The following BMPR1B variants were observed in gnomAD, a reference collection of about 807,000 sequenced individuals.
BMPR1B encodes bone morphogenetic protein receptor type-1B.
Under a neutral mutation model 59.1 loss-of-function variants are expected in BMPR1B, and 12 were observed. The observed-to-expected ratio is 0.20, with a 90% CI of 0.13 to 0.33. BMPR1B has a LOEUF of 0.33. BMPR1B is among the 10% of genes least tolerant of loss of function. The pLI, the probability that BMPR1B is intolerant of heterozygous loss-of-function variation, is 1.00. For missense variants in BMPR1B, 550 were observed against 610.9 expected, an observed-to-expected ratio of 0.90 and a Z score of 1.05; for synonymous variants, 237 against 207.3, an observed-to-expected ratio of 1.14 and a Z score of -1.23.
intron 4 of BMPR1B, among the ~76,000 whole-genome samples, chr4:95,109,834 G>A (rs185014085): frequency 0.018 from 2,779 of 150,372 alleles, 48 homozygotes; most frequent in Middle Eastern, 0.024. Flanking sequence ...AGCATTAGGT[G>A]TATCTCCTAA....
chr4:94,951,940 T>A (rs1729955330), intron 2 of BMPR1B, among the ~76,000 whole-genome samples: 1 of 152,268 alleles, frequency 6.6e-6, no homozygotes, highest in African/African-American at 2.4e-5. Flanking sequence ...TCAGAACTTG[T>A]TATTGGTCTA....
At chr4:94,926,679 G>T (rs1728901081) in intron 2 of BMPR1B, among the ~76,000 whole-genome samples, 1 of 151,918 alleles carries the variant, frequency 6.6e-6, no homozygotes, top group Non-Finnish European at 1.5e-5. Flanking sequence ...CTATTTTCTT[G>T]AATCTTACAG....
chr4:94,770,398 A>C (rs1274963607), intron 1 of BMPR1B, among the ~76,000 whole-genome samples: 1 of 151,964 alleles, frequency 6.6e-6, no homozygotes, highest in African/African-American at 2.4e-5. Context: ...TTAATGCATT[A>C]TCCCAGAGGT....
chr4:94,793,778 G>A (rs1484478754), intron 1 of BMPR1B, among the ~76,000 whole-genome samples: 4 of 148,764 alleles, frequency 2.7e-5, no homozygotes, highest in Non-Finnish European at 6.0e-5. Context: ...GTGATGGTGA[G>A]CATTTTTTCA....
chr4:95,056,491 TAAAG>T (rs1206850344), intron 3 of BMPR1B, among the ~76,000 whole-genome samples: 4 of 152,138 alleles, frequency 2.6e-5, no homozygotes, highest in Non-Finnish European at 5.9e-5. Context: ...AATGGAGACA[TAAAG>T]AAAAACTAAA....
chr4:94,900,079 C>T (rs542830374), intron 2 of BMPR1B, among the ~76,000 whole-genome samples: 27 of 151,700 alleles, frequency 1.8e-4, no homozygotes, highest in Admixed American at 9.2e-4. Context: ...TTCTAATCCT[C>T]AGAATCTTTG....
Position 95,036,131 on chromosome 4 carries a change from T to C in BMPR1B, c.-18+39997T>C, listed in dbSNP as rs570171283. Among the ~76,000 whole-genome samples, 28 of 152,144 alleles carry C rather than the reference T, an allele frequency of 1.8e-4. 1 individual carries two copies. Among genetic ancestry groups the C allele is most frequent in the Non-Finnish European group, 4.4e-5 (3 of 68,006 alleles). ...TGCTACTAATTTGTGTTCATTGATT[T>C]TGGGGATATATGAGATATTTTGATA... is the stretch of plus-strand genomic sequence containing the variant. On this transcript the variant is annotated intron_variant, in intron 3 of 12. Coordinates refer to ENST00000515059, the MANE Select transcript of BMPR1B (RefSeq NM_001203.3).
chr4:95,115,215 G>A (rs1731928752), intron 5 of BMPR1B, among the ~76,000 whole-genome samples: 1 of 152,090 alleles, frequency 6.6e-6, no homozygotes, highest in African/African-American at 2.4e-5. Context: ...CACAATGACA[G>A]AATCACCTCA....
intron 2 of BMPR1B, among the ~76,000 whole-genome samples, chr4:94,898,456 C>T (rs1318708204): frequency 1.3e-5 from 2 of 152,012 alleles, no homozygotes; most frequent in Admixed American, 6.6e-5. Context: ...TTCCCCCATG[C>T]TGTTCTTGGG....
At chr4:95,026,977 G>A (rs1560603583) in intron 3 of BMPR1B, among the ~76,000 whole-genome samples, 1 of 151,760 alleles carries the variant, frequency 6.6e-6, no homozygotes, top group Admixed American at 6.6e-5. Context: ...GTTGCCCTAG[G>A]TGGTCCCAAA....
In BMPR1B at chr4:95,034,298, A is replaced by G. The variant is rs188183641; in HGVS notation, c.-18+38164A>G. ...TACATGAGATATTTATTATTATTTCAGTAGTTTTAGGGGAACAGGTGGTTT... is the reference window on the plus strand; with the variant it reads ...TACATGAGATATTTATTATTATTTCGGTAGTTTTAGGGGAACAGGTGGTTT... On this transcript the variant is annotated intron_variant, in intron 3 of 12. Transcript: ENST00000515059. Among the ~76,000 whole-genome samples the G allele has an allele frequency of 1.9e-3, 283 of 152,148 alleles. 4 individuals carry two copies. Among genetic ancestry groups the G allele is most frequent in the Middle Eastern group, 0.017 (5 of 294 alleles).
intron 4 of BMPR1B, among the ~76,000 whole-genome samples, chr4:95,113,164 C>T (rs1294749874): frequency 6.6e-6 from 1 of 152,130 alleles, no homozygotes; most frequent in African/African-American, 2.4e-5. Context: ...ACATGTTTTA[C>T]ATTTTTATAG....
At chr4:95,021,322 G>A (rs544132760) in intron 3 of BMPR1B, among the ~76,000 whole-genome samples, 3 of 152,280 alleles carry the variant, frequency 2.0e-5, no homozygotes, top group Non-Finnish European at 2.9e-5. Context: ...GCATACTTTT[G>A]TGTTTATGAA....
intron 1 of BMPR1B, among the ~76,000 whole-genome samples, chr4:94,787,210 T>G (rs1722795391): frequency 6.6e-6 from 1 of 152,110 alleles, no homozygotes; most frequent in African/African-American, 2.4e-5. Context: ...TGACATATAC[T>G]CCACGTAGAG....
chr4:95,052,020 A>G (rs1010985821), intron 3 of BMPR1B, among the ~76,000 whole-genome samples: 3 of 152,258 alleles, frequency 2.0e-5, no homozygotes, highest in Non-Finnish European at 2.9e-5. Context: ...AGAATTAAAT[A>G]CAATTAAACT....
intron 3 of BMPR1B, among the ~76,000 whole-genome samples, chr4:95,103,149 A>G (rs1730947983): frequency 6.6e-6 from 1 of 152,078 alleles, no homozygotes; most frequent in South Asian, 2.1e-4. Context: ...AACATATTTT[A>G]TTGCTTTTTC....
chr4:94,895,775 C>G (rs1727562084), intron 2 of BMPR1B, among the ~76,000 whole-genome samples: 1 of 151,248 alleles, frequency 6.6e-6, no homozygotes. Context: ...TTAGAATCAT[C>G]TTGTTAGTAT....
chr4:95,031,296 A>G (rs1467188302), intron 3 of BMPR1B, among the ~76,000 whole-genome samples: 1 of 152,150 alleles, frequency 6.6e-6, no homozygotes, highest in Non-Finnish European at 1.5e-5. Context: ...GAGCTGAGAG[A>G]GAATATGGCA....
chr4:94,765,719 G>A (rs1356933395), intron 1 of BMPR1B, among the ~76,000 whole-genome samples: 1 of 152,144 alleles, frequency 6.6e-6, no homozygotes, highest in East Asian at 1.9e-4. Flanking sequence ...GAGGTAATAT[G>A]AGCTATTCGA....
Sources: allele counts gnomAD v4.1 joint callset (sites outside exome capture counted in the v4.1 genomes callset), GRCh38; gene constraint gnomAD v4.1.1; transcripts MANE v1.5; gene names NCBI Gene and HGNC (gene_info 2026-07-23, HGNC 2026-07-21).